Variants in KHDRBS2 observed in about 807,000 individuals in gnomAD.
KHDRBS2 encodes the protein KH domain-containing, RNA-binding, signal transduction-associated protein 2.
KHDRBS2 carries 26 observed loss-of-function variants against 44.3 expected under a neutral mutation model. The ratio of observed to expected loss-of-function variants is 0.59; its 90% CI spans 0.43 to 0.81. The LOEUF (loss-of-function observed/expected upper bound fraction) is 0.81, where lower values mean the gene tolerates loss of function less well. Ranked by LOEUF, KHDRBS2 falls within the 40% of genes least tolerant of loss-of-function variation. KHDRBS2 has a pLI of 0.00. For missense variants in KHDRBS2, 476 were observed against 433.1 expected (o/e 1.10, Z -0.88); for synonymous variants, 194 against 151.1 (o/e 1.28, Z -2.08).
intron 6 of KHDRBS2, among the ~76,000 whole-genome samples, chr6:61,823,725 T>A (rs1241331992): frequency 6.6e-6 from 1 of 152,128 alleles, no homozygotes; most frequent in East Asian, 1.9e-4. Flanking sequence ...CATTTTATCT[T>A]CTGAGTATGT....
the KHDRBS2 span, among the ~76,000 whole-genome samples, chr6:61,614,323 G>T: frequency 6.6e-6 from 1 of 152,138 alleles, no homozygotes; most frequent in South Asian, 2.1e-4. Flanking sequence ...TGCTGACTCA[G>T]CTATCAGTTC....
intron 2 of KHDRBS2, among the ~76,000 whole-genome samples, chr6:62,157,400 T>C (rs1816694609): frequency 6.6e-6 from 1 of 152,190 alleles, no homozygotes; most frequent in Non-Finnish European, 1.5e-5. Flanking sequence ...ATTTGTTTCA[T>C]AGTTCTGGAA....
intron 4 of KHDRBS2, among the ~76,000 whole-genome samples, chr6:61,956,086 G>C (rs10455600): frequency 1.3e-5 from 2 of 151,618 alleles, no homozygotes; most frequent in African/African-American, 2.4e-5. Context: ...CCAGCTATTC[G>C]GGGAGGCTGA....
the KHDRBS2 span, among the ~76,000 whole-genome samples, chr6:61,638,980 G>C: frequency 6.6e-6 from 1 of 152,046 alleles, no homozygotes; most frequent in Non-Finnish European, 1.5e-5. Context: ...GGTTAAATCA[G>C]CTCCAATTTG....
At chr6:61,615,020 G>A in the KHDRBS2 span, among the ~76,000 whole-genome samples, 2 of 151,834 alleles carry the variant, frequency 1.3e-5, no homozygotes, top group Non-Finnish European at 2.9e-5. Flanking sequence ...GATCATCTGA[G>A]GTCAGGAGTT....
rs569746478 is a variant in KHDRBS2 at position 62,037,098 on chromosome 6, GATA to G, written c.336+10777_336+10779del. Among the ~76,000 whole-genome samples, 536 of 151,880 alleles carry G rather than the reference GATA, an allele frequency of 3.5e-3. 1 individual carries two copies. Among genetic ancestry groups the G allele is most frequent in the African/African-American group, 0.012 (518 of 41,470 alleles). On this transcript the variant is annotated intron_variant, in intron 3 of 8. Coordinates refer to ENST00000281156, the MANE Select transcript of KHDRBS2 (RefSeq NM_152688.4). ...TCATATTATAAAATCTTTCTTAAATGATAATAATAATCATCATAATACAAGTTT... is the reference window on the plus strand; with the variant it reads ...TCATATTATAAAATCTTTCTTAAATGATAATAATCATCATAATACAAGTTT...
At chr6:61,942,216 C>T (rs1398301040) in intron 4 of KHDRBS2, among the ~76,000 whole-genome samples, 2 of 152,076 alleles carry the variant, frequency 1.3e-5, no homozygotes, top group Non-Finnish European at 2.9e-5. Context: ...CTGCCTCAGG[C>T]TCCCAAAGTG....
At chr6:62,021,962 GTACATATATACACACACTATATATAT>G (rs1284379759) in intron 3 of KHDRBS2, among the ~76,000 whole-genome samples, 2 of 42,784 alleles carry the variant, frequency 4.7e-5, no homozygotes, top group Admixed American at 3.4e-4. Flanking sequence ...CATATACACT[GTACATATATACACACACTATATATAT>G]TATATATACA....
At chr6:61,735,834 G>T (rs1176398434) in intron 6 of KHDRBS2, among the ~76,000 whole-genome samples, 1 of 152,028 alleles carries the variant, frequency 6.6e-6, no homozygotes, top group Non-Finnish European at 1.5e-5. Context: ...TCAGAATTTT[G>T]AGAGCTTTGG....
the KHDRBS2 span, among the ~76,000 whole-genome samples, chr6:61,582,527 T>C: frequency 2.0e-5 from 3 of 151,740 alleles, no homozygotes; most frequent in African/African-American, 7.2e-5. Flanking sequence ...TTTTAATAGA[T>C]AAATTTCTTC....
intron 2 of KHDRBS2, among the ~76,000 whole-genome samples, chr6:62,054,587 G>A (rs1335742377): frequency 6.6e-6 from 1 of 152,062 alleles, no homozygotes; most frequent in Non-Finnish European, 1.5e-5. Context: ...AAGAAAGAAG[G>A]AGGCAGCAGG....
intron 2 of KHDRBS2, among the ~76,000 whole-genome samples, chr6:62,069,808 C>T (rs1418433836): frequency 2.0e-5 from 3 of 151,676 alleles, no homozygotes; most frequent in African/African-American, 4.8e-5. Context: ...TTATATTTCT[C>T]TCAATTGAGA....
the KHDRBS2 span, among the ~76,000 whole-genome samples, chr6:61,560,879 T>C: frequency 6.6e-6 from 1 of 152,198 alleles, no homozygotes; most frequent in Non-Finnish European, 1.5e-5. Context: ...TAGTACATGT[T>C]CTTCAGTGTC....
the KHDRBS2 span, among the ~76,000 whole-genome samples, chr6:61,617,050 C>T: frequency 6.6e-6 from 1 of 152,002 alleles, no homozygotes; most frequent in Non-Finnish European, 1.5e-5. Context: ...GTTGAGGCTA[C>T]TTTCAGAACA....
intron 7 of KHDRBS2, among the ~76,000 whole-genome samples, chr6:61,700,258 A>G (rs1768433351): frequency 6.6e-6 from 1 of 151,630 alleles, no homozygotes; most frequent in African/African-American, 2.4e-5. Context: ...AGTGGTATTA[A>G]TATGTTTCTC....
At chr6:62,279,275 CA>C (rs1328962576) in intron 1 of KHDRBS2, among the ~76,000 whole-genome samples, 1 of 152,046 alleles carries the variant, frequency 6.6e-6, no homozygotes, top group Non-Finnish European at 1.5e-5. Flanking sequence ...GACTTAAAAA[CA>C]AATGGAAACT....
chr6:62,193,601 C>T (rs1179359194), intron 1 of KHDRBS2, among the ~76,000 whole-genome samples: 1 of 152,054 alleles, frequency 6.6e-6, no homozygotes, highest in Non-Finnish European at 1.5e-5. Flanking sequence ...GAAAGCTCCT[C>T]TAATGCATTA....
intron 7 of KHDRBS2, among the ~76,000 whole-genome samples, chr6:61,722,601 A>G (rs551254450): frequency 6.6e-6 from 1 of 151,952 alleles, no homozygotes; most frequent in Non-Finnish European, 1.5e-5. Context: ...ATATTCTACT[A>G]TTTTATTTTC....
the KHDRBS2 span, among the ~76,000 whole-genome samples, chr6:61,551,025 C>G: frequency 6.6e-6 from 1 of 151,992 alleles, no homozygotes; most frequent in Non-Finnish European, 1.5e-5. Context: ...ATGCCTATTG[C>G]GGCTCCCCAG....
Sources: gnomAD v4.1 joint callset for allele counts (sites outside exome capture counted in the v4.1 genomes callset) on GRCh38, gnomAD v4.1.1 for gene constraint, MANE v1.5 for transcripts, NCBI Gene and HGNC (gene_info 2026-07-23, HGNC 2026-07-21) for gene names.